Variants in PALLD observed in about 807,000 individuals in gnomAD.
PALLD encodes the protein palladin, cytoskeletal associated protein.
In PALLD, 61 loss-of-function variants were observed where a neutral mutation model predicts 123.5. The ratio of observed to expected loss-of-function variants is 0.49; its 90% CI spans 0.40 to 0.61. The LOEUF (loss-of-function observed/expected upper bound fraction) is 0.61. Ranked by LOEUF, PALLD falls within the 20% of genes least tolerant of loss-of-function variation. The probability of loss-of-function intolerance (pLI) is 0.00; values close to 1 mark genes in which losing one functional copy is unlikely to be tolerated. For missense variants in PALLD, 1,273 were observed against 1,377.0 expected, an observed-to-expected ratio of 0.92 and a Z score of 1.20; for synonymous variants, 465 against 496.4, an observed-to-expected ratio of 0.94 and a Z score of 0.84.
chr4:168,737,190 G>A (rs1181350720), intron 10 of PALLD, among the ~76,000 whole-genome samples: 2 of 152,168 alleles, frequency 1.3e-5, no homozygotes, highest in South Asian at 2.1e-4. Context: ...CACTGGGCAC[G>A]TTTATCAAGT....
At chr4:168,799,813 A>G (rs547587179) in intron 10 of PALLD, among the ~76,000 whole-genome samples, 2 of 115,600 alleles carry the variant, frequency 1.7e-5, no homozygotes, top group East Asian at 4.3e-4. Flanking sequence ...GAGGCAGAAA[A>G]TGTAAATAAT....
chr4:168,815,103 T>C (rs1343974729), intron 10 of PALLD, among the ~76,000 whole-genome samples: 1 of 152,242 alleles, frequency 6.6e-6, no homozygotes, highest in Non-Finnish European at 1.5e-5. Context: ...CTCTGCCATT[T>C]TTCTTTTCAA....
chr4:168,599,113 C>T (rs936567879), intron 2 of PALLD, among the ~76,000 whole-genome samples: 2 of 152,164 alleles, frequency 1.3e-5, no homozygotes, highest in African/African-American at 4.8e-5. Context: ...GCCACTCCAA[C>T]TCCATGTGGC....
At chr4:168,507,530 A>AT (rs1332511123) in intron 1 of PALLD, 1 of 196,656 alleles carries the variant, frequency 5.1e-6, no homozygotes. Context: ...ATTCTCCAAA[A>AT]TGAAGACGTC....
intron 2 of PALLD, among the ~76,000 whole-genome samples, chr4:168,584,196 A>G (rs1009255921): frequency 1.3e-4 from 19 of 148,634 alleles, no homozygotes; most frequent in African/African-American, 4.5e-4. Flanking sequence ...CAGCTTATAT[A>G]GTACTCTAAG....
At chr4:168,508,560 A>T (rs1762234617) in intron 1 of PALLD, among the ~76,000 whole-genome samples, 1 of 152,224 alleles carries the variant, frequency 6.6e-6, no homozygotes, top group Non-Finnish European at 1.5e-5. Context: ...TTTTCAGCTT[A>T]ATCTACCACA....
intron 10 of PALLD, among the ~76,000 whole-genome samples, chr4:168,728,703 ATTGTTTTTT>A (rs755334526): frequency 5.9e-5 from 9 of 151,756 alleles, no homozygotes; most frequent in Non-Finnish European, 8.8e-5. Flanking sequence ...TTTCGTTTTA[ATTGTTTTTT>A]TATTTTCCCA....
At chr4:168,919,316 G>A (rs988639701) in intron 17 of PALLD, among the ~76,000 whole-genome samples, 12 of 152,120 alleles carry the variant, frequency 7.9e-5, no homozygotes, top group African/African-American at 2.9e-4. Context: ...CTGAGGTCAG[G>A]AATCCGAGAC....
chr4:168,769,445 T>C (rs1451279556), intron 10 of PALLD, among the ~76,000 whole-genome samples: 1 of 152,198 alleles, frequency 6.6e-6, no homozygotes, highest in Non-Finnish European at 1.5e-5. Context: ...CTGGGAACTC[T>C]GTGTCTCTGC....
At chr4:168,817,308 A>G (rs919411578) in intron 10 of PALLD, among the ~76,000 whole-genome samples, 6 of 152,240 alleles carry the variant, frequency 3.9e-5, no homozygotes, top group Non-Finnish European at 5.9e-5. Flanking sequence ...TGTGTAATGC[A>G]TGAAACTTTT....
chr4:168,916,992 G>A (rs1306793781), intron 17 of PALLD, among the ~76,000 whole-genome samples: 1 of 148,266 alleles, frequency 6.7e-6, no homozygotes, highest in Non-Finnish European at 1.5e-5. Context: ...TCTAAGATAA[G>A]TTAGAGGGAC....
intron 2 of PALLD, among the ~76,000 whole-genome samples, chr4:168,645,342 C>A (rs796610477): frequency 2.6e-5 from 4 of 152,308 alleles, no homozygotes; most frequent in African/African-American, 9.6e-5. Flanking sequence ...TTCTGTCCCT[C>A]TTCTCAACTC....
chr4:168,882,786 CT>C (rs1390762077), intron 10 of PALLD, among the ~76,000 whole-genome samples: 1 of 152,132 alleles, frequency 6.6e-6, no homozygotes, highest in Non-Finnish European at 1.5e-5. Context: ...GTCTCTGCCC[CT>C]GGGGCAGCTC....
intron 8 of PALLD, among the ~76,000 whole-genome samples, chr4:168,697,702 C>G (rs570823862): frequency 6.6e-6 from 1 of 152,290 alleles, no homozygotes; most frequent in African/African-American, 2.4e-5. Flanking sequence ...GTTTAATTAA[C>G]CCATCTATGC....
chr4:168,533,333 G>GTCA (rs1381924666), intron 2 of PALLD, among the ~76,000 whole-genome samples: 1 of 152,152 alleles, frequency 6.6e-6, no homozygotes, highest in African/African-American at 2.4e-5. Flanking sequence ...TATTATAACA[G>GTCA]TCACTGACGA....
chr4:168,717,224 A>G (rs904204058), intron 10 of PALLD, among the ~76,000 whole-genome samples: 7 of 152,212 alleles, frequency 4.6e-5, no homozygotes, highest in African/African-American at 1.2e-4. Context: ...CCTGACAAAT[A>G]GTAGATGCTC....
chr4:168,834,038 T>C (rs1373307136), intron 10 of PALLD, among the ~76,000 whole-genome samples: 1 of 150,814 alleles, frequency 6.6e-6, no homozygotes, highest in African/African-American at 2.4e-5. Flanking sequence ...TACTGATTCT[T>C]GTACTTTGTC....
intron 2 of PALLD, among the ~76,000 whole-genome samples, chr4:168,575,404 T>G (rs1769457723): frequency 6.6e-6 from 1 of 151,822 alleles, no homozygotes; most frequent in Non-Finnish European, 1.5e-5. Flanking sequence ...CAAACACTTA[T>G]AAAACCATCA....
intron 8 of PALLD, chr4:168,700,902 C>A (rs1366240488): frequency 6.6e-6 from 1 of 152,018 alleles, no homozygotes; most frequent in Admixed American, 6.6e-5. Flanking sequence ...CAAAATTGCA[C>A]CAGCTTTATT....
Sources: gnomAD v4.1 joint callset for allele counts (sites outside exome capture counted in the v4.1 genomes callset) on GRCh38, gnomAD v4.1.1 for gene constraint, MANE v1.5 for transcripts, NCBI Gene and HGNC (gene_info 2026-07-23, HGNC 2026-07-21) for gene names.